LRRC74A: variants seen among roughly 807,000 people sequenced by gnomAD.
The protein encoded by LRRC74A is leucine-rich repeat-containing protein 74A.
In LRRC74A, 44 loss-of-function variants were observed where a neutral mutation model predicts 57.9. The observed-to-expected ratio is 0.76, with a 90% CI of 0.60 to 0.98. The LOEUF (loss-of-function observed/expected upper bound fraction) is 0.98. LRRC74A is among the 50% of genes least tolerant of loss of function. The probability of loss-of-function intolerance (pLI) is 0.00; values close to 1 mark genes in which losing one functional copy is unlikely to be tolerated. For synonymous variants in LRRC74A, 211 were observed against 219.4 expected, an observed-to-expected ratio of 0.96 and a Z score of 0.34; for missense variants, 572 against 574.0, an observed-to-expected ratio of 1.00 and a Z score of 0.04.
intron 2 of LRRC74A, 147 bp from the exon 3 acceptor site, chr14:76,831,056 G>C: frequency 1.4e-6 from 1 of 736,400 alleles, no homozygotes; most frequent in Non-Finnish European, 2.2e-6. Context: ...TGACTTCCCA[G>C]ACAGGAGCAG....
At position 76,860,773 on chromosome 14, in the gene LRRC74A, G is replaced by A. The variant is rs768819541; in HGVS notation, c.1134G>A (p.Lys378=). ...ACCCGCAGCTGGACGTGGTATTCAA[G>A]GCAGTACAAGGCCTCTCTCCCAAGA... ...AVHPQLDVVF[K]AVQGLSPKKT... The change falls in exon 11 of 14, where the codon AAG becomes AAA. Residue 378 remains lysine, a synonymous_variant. Coordinates refer to ENST00000689127, the MANE Select transcript of LRRC74A (RefSeq NM_001385106.1). 1.2e-5 allele frequency: 20 copies of A among 1,610,958 alleles called. No homozygotes were observed. The South Asian group carries it at 2.2e-4, about 18-fold the overall frequency.
intron 3 of LRRC74A, among the ~76,000 whole-genome samples, chr14:76,834,577 G>A (rs1303588818): frequency 6.6e-6 from 1 of 152,182 alleles, no homozygotes. Context: ...GCCTAGCACT[G>A]TACCCTTGCA....
At chr14:76,844,362 G>T (rs1396214664) in intron 5 of LRRC74A, 61 bp from the exon 6 acceptor site, 16 of 1,475,142 alleles carry the variant, frequency 1.1e-5, no homozygotes, top group Admixed American at 1.8e-5. Flanking sequence ...GGGGCAGGGG[G>T]TGGGAGAGGA....
intron 9 of LRRC74A, among the ~76,000 whole-genome samples, chr14:76,856,722 G>A (rs11847448): frequency 0.8 from 116,073 of 144,494 alleles, 48,574 homozygotes; most frequent in Non-Finnish European, 0.91. Context: ...ATGGATGGAT[G>A]GATGAGCAGT....
intron 9 of LRRC74A, among the ~76,000 whole-genome samples, chr14:76,854,722 G>T (rs1267676335): frequency 2.6e-5 from 4 of 152,148 alleles, no homozygotes; most frequent in African/African-American, 9.7e-5. Context: ...ATGAATGAAT[G>T]AATTAATGAA....
At chr14:76,853,129 C>A in intron 8 of LRRC74A, 87 bp from the exon 9 acceptor site, 1 of 1,294,570 alleles carries the variant, frequency 7.7e-7, no homozygotes, top group Non-Finnish European at 1.1e-6. Flanking sequence ...GGTCTGGATG[C>A]CAACAGGGGG....
chr14:76,836,459 G>A (rs1896347023), intron 4 of LRRC74A, 145 bp downstream of exon 4: 2 of 573,974 alleles, frequency 3.5e-6, no homozygotes, highest in East Asian at 2.9e-5. Flanking sequence ...CTTAGAGGAG[G>A]GCCACATGTG....
intron 3 of LRRC74A, among the ~76,000 whole-genome samples, chr14:76,832,204 A>G (rs545438745): frequency 1.5e-3 from 234 of 152,354 alleles, no homozygotes; most frequent in African/African-American, 5.3e-3. Flanking sequence ...AAGGACCAAT[A>G]CACTGAAACA....
rs938286980 is a variant in LRRC74A at position 76,831,075 on chromosome 14, G to A, written c.167-128G>A. The A allele has an allele frequency of 3.5e-5, 32 of 925,816 alleles. No individual in the cohort carries two copies. The African/African-American group carries it at 4.5e-4, about 13-fold the overall frequency. The allele number at this position is 925,816 out of a possible 1,614,324, so 57.4% of individuals were successfully genotyped here. A position where few individuals can be genotyped will look rare whatever the true frequency, so the allele number is the denominator to read the frequency against. On this transcript the variant is annotated intron_variant, in intron 2 of 13. Coordinates refer to ENST00000689127, the MANE Select transcript of LRRC74A (RefSeq NM_001385106.1). ...TTCCCAGACAGGAGCAGGCTTCTTA[G>A]CACATACCCACAGGGAGAGATCCTC...
At chr14:76,864,534 AC>A (rs1475270142) in intron 11 of LRRC74A, among the ~76,000 whole-genome samples, 1 of 152,028 alleles carries the variant, frequency 6.6e-6, no homozygotes, top group Non-Finnish European at 1.5e-5. Context: ...AAAAAAAAAT[AC>A]TTAAAAAGGA....
chr14:76,828,585 C>T (rs1473447597), intron 2 of LRRC74A, 166 bp downstream of exon 2: 5 of 1,033,448 alleles, frequency 4.8e-6, no homozygotes, highest in Middle Eastern at 2.0e-4. Context: ...GAGTCCTCCT[C>T]CGGGCTGGCA....
chr14:76,855,123 C>A (rs1223533086), intron 9 of LRRC74A, among the ~76,000 whole-genome samples: 2 of 152,334 alleles, frequency 1.3e-5, no homozygotes, highest in African/African-American at 2.4e-5. Flanking sequence ...TCTGAGAGGA[C>A]AACCATGAGG....
intron 11 of LRRC74A, among the ~76,000 whole-genome samples, chr14:76,863,819 C>A (rs371811923): frequency 6.6e-6 from 1 of 152,240 alleles, no homozygotes; most frequent in Non-Finnish European, 1.5e-5. Context: ...TCTCAAAGCA[C>A]CCCAACTGAG....
intron 11 of LRRC74A, among the ~76,000 whole-genome samples, chr14:76,861,101 C>T (rs920642085): frequency 6.6e-6 from 1 of 152,202 alleles, no homozygotes; most frequent in Non-Finnish European, 1.5e-5. Context: ...AATGGATTAT[C>T]CCACCCGGAC....
intron 1 of LRRC74A, among the ~76,000 whole-genome samples, chr14:76,827,958 C>T (rs911606615): frequency 2.6e-5 from 4 of 152,302 alleles, no homozygotes; most frequent in South Asian, 4.1e-4. Context: ...TAACAGCACA[C>T]CCCAAAACCC....
intron 10 of LRRC74A, 118 bp downstream of exon 10, chr14:76,857,593 C>G (rs1898001633): frequency 1.4e-6 from 1 of 694,488 alleles, no homozygotes; most frequent in African/African-American, 1.8e-5. Context: ...CACACAAGTG[C>G]TCCATGAAAG....
At position 76,831,369 on chromosome 14, in the gene LRRC74A, C is replaced by A; in HGVS notation, c.333C>A (p.Ala111=). The change falls in exon 3 of 14, where the codon GCC becomes GCA. Residue 111 remains alanine (A), a synonymous_variant. Coordinates refer to ENST00000689127, the MANE Select transcript of LRRC74A (RefSeq NM_001385106.1). ...GPRGTKAIAI[A]LVSNMAVTKL... ...GGGGTACCAAGGCTATTGCTATAGCCCTGGTGGTGAGCATGCTAGTGGGAG... is the reference window on the plus strand; with the variant it reads ...GGGGTACCAAGGCTATTGCTATAGCACTGGTGGTGAGCATGCTAGTGGGAG... 1 of 1,613,024 alleles carries A rather than the reference C, an allele frequency of 6.2e-7. No homozygotes were observed. Among genetic ancestry groups the A allele is most frequent in the South Asian group, 1.1e-5 (1 of 91,034 alleles).
chr14:76,833,566 C>A (rs55910820), intron 3 of LRRC74A, among the ~76,000 whole-genome samples: 8,364 of 150,902 alleles, frequency 0.055, 278 homozygotes, highest in Non-Finnish European at 0.069. Context: ...CTCAGCCTCC[C>A]GAGTAGCTGG....
chr14:76,827,140 T>A (rs1895633384), intron 1 of LRRC74A, among the ~76,000 whole-genome samples: 2 of 152,232 alleles, frequency 1.3e-5, no homozygotes. Context: ...GAATTCTAAA[T>A]TGTTTGACAA....
Sources: allele counts gnomAD v4.1 joint callset (sites outside exome capture counted in the v4.1 genomes callset), GRCh38; gene constraint gnomAD v4.1.1; transcripts MANE v1.5; gene names NCBI Gene and HGNC (gene_info 2026-07-23, HGNC 2026-07-21).